CCND3: variants seen among roughly 807,000 people sequenced by gnomAD.
The protein encoded by CCND3 is cyclin D3.
CCND3 carries 9 observed loss-of-function variants against 28.7 expected under a neutral mutation model. That is an observed-to-expected ratio of 0.31 (90% CI 0.19 to 0.55). The LOEUF is 0.55. Among genes scored for constraint, CCND3 ranks in the 20% least tolerant of loss-of-function variants. The probability of loss-of-function intolerance (pLI) is 0.93; values close to 1 mark genes in which losing one functional copy is unlikely to be tolerated. For synonymous variants in CCND3, 164 were observed against 163.9 expected (o/e 1.00, Z 0.00); for missense variants, 315 against 385.8 (o/e 0.82, Z 1.54).
At chr6:42,007,163 G>A (rs554059666) in intron 1 of CCND3, among the ~76,000 whole-genome samples, 1 of 152,112 alleles carries the variant, frequency 6.6e-6, no homozygotes, top group East Asian at 1.9e-4. Flanking sequence ...TGCTTCATAA[G>A]TCAATTTTAA....
chr6:42,023,350 A>G (rs1392012872), intron 1 of CCND3, among the ~76,000 whole-genome samples: 2 of 152,230 alleles, frequency 1.3e-5, no homozygotes, highest in Admixed American at 1.3e-4. Flanking sequence ...GAGAAAATAC[A>G]TTAGATCAGG....
intron 1 of CCND3, among the ~76,000 whole-genome samples, chr6:41,947,858 C>T (rs1318161099): frequency 6.6e-6 from 1 of 152,154 alleles, no homozygotes; most frequent in African/African-American, 2.4e-5. Context: ...GCCCTCCAGT[C>T]TAGTCTCAAC....
chr6:41,989,144 A>AC (rs1762579869), intron 1 of CCND3, among the ~76,000 whole-genome samples: 1 of 151,760 alleles, frequency 6.6e-6, no homozygotes, highest in Non-Finnish European at 1.5e-5. Context: ...TGCAAAAAAA[A>AC]CTCTTAAAAT....
In CCND3 at chr6:41,964,388, G is replaced by A. The variant is rs577856814; in HGVS notation, c.-45-23803C>T. 8.6e-4 allele frequency among the ~76,000 whole-genome samples: 131 copies of A among 151,964 alleles called. 1 individual carries two copies. The highest frequency in any genetic ancestry group is 2.9e-3 in the African/African-American group (121 of 41,444). The stretch of plus-strand genomic sequence containing the variant: ...TATGTGTGAATGTGTGTGAGTGTGT[G>A]TGTGCATGTGTGAATGTGTGTGTCT... On this transcript the variant is annotated intron_variant, in intron 1 of 4. Coordinates refer to the CCND3 transcript ENST00000372988.
chr6:41,969,300 T>G (rs1411576526), intron 1 of CCND3, among the ~76,000 whole-genome samples: 1 of 151,258 alleles, frequency 6.6e-6, no homozygotes, highest in Non-Finnish European at 1.5e-5. Context: ...GATCACGAGG[T>G]CAAGAGATTG....
chr6:41,953,422 G>A (rs910346223), intron 1 of CCND3, among the ~76,000 whole-genome samples: 3 of 152,098 alleles, frequency 2.0e-5, no homozygotes, highest in Non-Finnish European at 4.4e-5. Flanking sequence ...AGACTACTTA[G>A]AGGGTGGCTC....
chr6:41,955,651 CAA>C (rs35334493), intron 1 of CCND3, among the ~76,000 whole-genome samples: 15 of 113,538 alleles, frequency 1.3e-4, no homozygotes, highest in Admixed American at 3.6e-4. Context: ...CCTATCTCTA[CAA>C]AAAAAAAAAA....
At chr6:42,013,742 A>C (rs1763406080) in intron 1 of CCND3, among the ~76,000 whole-genome samples, 1 of 152,146 alleles carries the variant, frequency 6.6e-6, no homozygotes, top group African/African-American at 2.4e-5. Flanking sequence ...CTCAATCTAC[A>C]TTTCAGCAGT....
intron 1 of CCND3, among the ~76,000 whole-genome samples, chr6:42,009,511 C>T (rs922490858): frequency 6.6e-6 from 1 of 152,198 alleles, no homozygotes; most frequent in African/African-American, 2.4e-5. Context: ...ACTCAGGAGG[C>T]TGAGGCAAGA....
At chr6:42,003,645 A>G (rs1328814292) in intron 1 of CCND3, among the ~76,000 whole-genome samples, 2 of 151,758 alleles carry the variant, frequency 1.3e-5, no homozygotes, top group Non-Finnish European at 2.9e-5. Flanking sequence ...AGAAAAGGTC[A>G]GTAAAGTTAA....
At chr6:41,964,524 G>A (rs1366560696) in intron 1 of CCND3, among the ~76,000 whole-genome samples, 1 of 152,092 alleles carries the variant, frequency 6.6e-6, no homozygotes, top group Non-Finnish European at 1.5e-5. Flanking sequence ...GAGTGTGTAT[G>A]TGTGTGCATG....
chr6:42,000,233 A>ATTTTTTTTT (rs1561980601), intron 1 of CCND3, among the ~76,000 whole-genome samples: 3 of 31,232 alleles, frequency 9.6e-5, no homozygotes, highest in Non-Finnish European at 1.8e-4. Flanking sequence ...TTGAAAACAT[A>ATTTTTTTTT]CTTTTTTTTT....
At chr6:41,937,142 T>G (rs745611061) in intron 3 of CCND3, 93 bp downstream of exon 3, 1 of 1,394,240 alleles carries the variant, frequency 7.2e-7, no homozygotes, top group South Asian at 1.2e-5. Flanking sequence ...ACAAAGGAAT[T>G]TTGACAGTAT....
At chr6:41,984,319 G>T (rs939726265) in intron 1 of CCND3, among the ~76,000 whole-genome samples, 23 of 152,054 alleles carry the variant, frequency 1.5e-4, no homozygotes, top group Admixed American at 1.3e-3. Flanking sequence ...AAGTTGGAGT[G>T]CTGGATCATA....
chr6:42,040,764 T>C (rs1408538171), intron 1 of CCND3, among the ~76,000 whole-genome samples: 1 of 151,476 alleles, frequency 6.6e-6, no homozygotes, highest in African/African-American at 2.4e-5. Context: ...AGGCAGAGAA[T>C]TGCTTGAACC....
chr6:42,017,714 A>T (rs1763564825), intron 1 of CCND3, among the ~76,000 whole-genome samples: 1 of 150,228 alleles, frequency 6.7e-6, no homozygotes, highest in Non-Finnish European at 1.5e-5. Context: ...CCTGAGTAAA[A>T]TATGGGTGGA....
intron 1 of CCND3, among the ~76,000 whole-genome samples, chr6:42,043,473 G>A (rs979573618): frequency 3.9e-5 from 6 of 152,218 alleles, no homozygotes; most frequent in African/African-American, 1.4e-4. Flanking sequence ...GGAGGTTGCA[G>A]TGGGCCAAGA....
In CCND3 at chr6:41,980,641, AAG is replaced by A. The variant is rs1163257800; in HGVS notation, c.-45-40058_-45-40057del. ...GATACAAGAATCCTCAACAAAATAT[AAG>A]CAAATTTAATCTTACTATGTATAAA... On this transcript the variant is annotated intron_variant, in intron 1 of 4. Coordinates refer to the CCND3 transcript ENST00000372988. Among the ~76,000 whole-genome samples the A allele has an allele frequency of 2.0e-5, 3 of 152,198 alleles. No homozygotes were observed. In the East Asian group the frequency reaches 5.8e-4, roughly 29 times the overall value.
intron 1 of CCND3, among the ~76,000 whole-genome samples, chr6:41,978,659 TCTA>T (rs1402382238): frequency 6.6e-6 from 1 of 152,152 alleles, no homozygotes; most frequent in Non-Finnish European, 1.5e-5. Context: ...ATGTGTTCTA[TCTA>T]CTGATCTGGC....
Sources: gnomAD v4.1 joint callset for allele counts (sites outside exome capture counted in the v4.1 genomes callset) on GRCh38, gnomAD v4.1.1 for gene constraint, MANE v1.5 for transcripts, NCBI Gene and HGNC (gene_info 2026-07-23, HGNC 2026-07-21) for gene names.